The following CLIC6 variants were observed in gnomAD, a reference collection of about 807,000 sequenced individuals.
The protein encoded by CLIC6 is chloride intracellular channel protein 6.
In CLIC6, 39 loss-of-function variants were observed where a neutral mutation model predicts 49.2. The ratio of observed to expected loss-of-function variants is 0.79; its 90% CI spans 0.61 to 1.04. The LOEUF (loss-of-function observed/expected upper bound fraction) is 1.04, where lower values mean the gene tolerates loss of function less well. CLIC6 is among the 50% of genes least tolerant of loss of function. The probability of loss-of-function intolerance (pLI) is 0.00; values close to 1 mark genes in which losing one functional copy is unlikely to be tolerated. For synonymous variants in CLIC6, 446 were observed against 433.4 expected (o/e 1.03, Z -0.36); for missense variants, 988 against 993.1 (o/e 0.99, Z 0.07).
chr21:34,684,798 G>C (rs562110021), intron 1 of CLIC6, among the ~76,000 whole-genome samples: 7 of 152,202 alleles, frequency 4.6e-5, no homozygotes, highest in Non-Finnish European at 7.3e-5. Flanking sequence ...AAGCAAGGAG[G>C]ACCTGGAAAT....
At position 34,717,765 on chromosome 21, in the gene CLIC6, A is replaced by T. The variant is rs1300714115; in HGVS notation, c.*1283A>T. On this transcript the variant is annotated 3_prime_UTR_variant, in exon 6 of 6. Transcript: ENST00000349499. ...ATCTTACAGAAAACCCTCCTTGTAG[A>T]GTTGGTTGTGGTATGTGTTTGATGC... 1.3e-5 allele frequency: 2 copies of T among 152,144 alleles called. No homozygotes were observed. The highest frequency in any genetic ancestry group is 2.4e-5 in the African/African-American group (1 of 41,428). 9.4% of individuals were successfully genotyped at this position (152,144 alleles called of 1,614,324 possible). A position where few individuals can be genotyped will look rare whatever the true frequency, so the allele number is the denominator to read the frequency against.
chr21:34,710,242 C>G (rs1356075902), intron 5 of CLIC6, among the ~76,000 whole-genome samples: 3 of 152,138 alleles, frequency 2.0e-5, no homozygotes, highest in Non-Finnish European at 4.4e-5. Flanking sequence ...GGTGGCACTG[C>G]ACTCTGGCCT....
At chr21:34,680,136 T>G (rs748985987) in intron 1 of CLIC6, among the ~76,000 whole-genome samples, 1 of 152,264 alleles carries the variant, frequency 6.6e-6, no homozygotes, top group Non-Finnish European at 1.5e-5. Context: ...TCTTGGCATT[T>G]CCATATATCC....
At chr21:34,695,395 A>T (rs747666436) in intron 1 of CLIC6, among the ~76,000 whole-genome samples, 4 of 152,248 alleles carry the variant, frequency 2.6e-5, no homozygotes, top group Non-Finnish European at 4.4e-5. Context: ...TAACCTTGAT[A>T]TCATTTGCAA....
intron 1 of CLIC6, among the ~76,000 whole-genome samples, chr21:34,697,394 C>T (rs1268906866): frequency 6.6e-6 from 1 of 152,090 alleles, no homozygotes; most frequent in African/African-American, 2.4e-5. Context: ...AGACCTCAGC[C>T]CTGTTTATCT....
chr21:34,703,351 G>A (rs1393625087), intron 1 of CLIC6, among the ~76,000 whole-genome samples: 2 of 152,184 alleles, frequency 1.3e-5, no homozygotes, highest in Non-Finnish European at 2.9e-5. Flanking sequence ...AATCAAGAAG[G>A]TGGTAGGGGG....
chr21:34,682,590 G>T (rs1338189421), intron 1 of CLIC6, among the ~76,000 whole-genome samples: 1 of 152,040 alleles, frequency 6.6e-6, no homozygotes, highest in Non-Finnish European at 1.5e-5. Context: ...TTTTATAAGA[G>T]TGTGCTGACT....
intron 1 of CLIC6, among the ~76,000 whole-genome samples, chr21:34,701,637 T>A (rs1193977432): frequency 2.0e-5 from 3 of 152,062 alleles, no homozygotes; most frequent in Non-Finnish European, 4.4e-5. Context: ...AATTAGTAAG[T>A]AGGGGGCCAA....
intron 1 of CLIC6, among the ~76,000 whole-genome samples, chr21:34,704,829 G>C (rs1421592730): frequency 6.6e-6 from 1 of 152,196 alleles, no homozygotes; most frequent in East Asian, 1.9e-4. Flanking sequence ...ACTAACTTGA[G>C]TTTGAGACCA....
chr21:34,670,620 C>T lies in CLIC6; in HGVS notation c.1232C>T (p.Ala411Val). 2 of 1,548,632 alleles carry T rather than the reference C, an allele frequency of 1.3e-6. No individual in the cohort carries two copies. Among genetic ancestry groups the T allele is most frequent in the Non-Finnish European group, 1.7e-6 (2 of 1,148,164 alleles). ...TCCAGGGGCGCCGCGGAGCCTGAGG[C>T]CCAGCTCAGCAACCACCTGGCCGAG... ...EASRGAAEPE[A>V]QLSNHLAEEG... Residue 411 changes from alanine to valine, a missense_variant, in exon 1 of 6, where the codon GCC becomes GTC. This residue lies in a region of CLIC6 where 647 missense variants were observed against 596.9 expected (regional missense o/e 1.08). Coordinates refer to ENST00000349499, the MANE Select transcript of CLIC6 (RefSeq NM_053277.3).
At chr21:34,699,348 C>CTCAAGCAA (rs1990145104) in intron 1 of CLIC6, among the ~76,000 whole-genome samples, 1 of 151,470 alleles carries the variant, frequency 6.6e-6, no homozygotes, top group Non-Finnish European at 1.5e-5. Context: ...ACCTCCTGGG[C>CTCAAGCAA]TCAAGCAATT....
At chr21:34,687,915 G>A (rs968102131) in intron 1 of CLIC6, among the ~76,000 whole-genome samples, 14 of 152,130 alleles carry the variant, frequency 9.2e-5, no homozygotes, top group African/African-American at 3.4e-4. Flanking sequence ...TTTATGGCCT[G>A]GAATGAGGAA....
intron 5 of CLIC6, among the ~76,000 whole-genome samples, chr21:34,710,304 T>C (rs923031652): frequency 1.3e-5 from 2 of 152,030 alleles, no homozygotes; most frequent in Non-Finnish European, 2.9e-5. Context: ...ATTAATTATT[T>C]ATTTATTTTA....
chr21:34,703,459 G>T lies in CLIC6; in HGVS notation c.1375-3821G>T, dbSNP rs111515358. ...CCGTCAGGTCTGCGTCGGGATGCCA[G>T]GTGTTTGGTCCTTTGAAGGCAGTGG... On this transcript the variant is annotated intron_variant, in intron 1 of 5. Transcript: ENST00000349499. Among the ~76,000 whole-genome samples, 337 of 151,680 alleles carry T rather than the reference G, an allele frequency of 2.2e-3. 2 individuals are homozygous for T. Among genetic ancestry groups the T allele is most frequent in the African/African-American group, 7.7e-3 (317 of 41,012 alleles).
chr21:34,705,672 C>A (rs188063071), intron 1 of CLIC6, among the ~76,000 whole-genome samples: 50 of 152,210 alleles, frequency 3.3e-4, no homozygotes, highest in Non-Finnish European at 5.0e-4. Flanking sequence ...TCTATTGGTG[C>A]CCCTTCATAT....
intron 4 of CLIC6, among the ~76,000 whole-genome samples, chr21:34,709,063 A>G (rs1353135553): frequency 2.0e-5 from 3 of 152,212 alleles, no homozygotes; most frequent in Non-Finnish European, 4.4e-5. Flanking sequence ...ACACCATGGG[A>G]ATCATGTTCA....
rs956592646 is a variant in CLIC6 at position 34,670,303 on chromosome 21, G to C, written c.915G>C (p.Ser305=). 3 of 1,442,002 alleles carry C rather than the reference G, an allele frequency of 2.1e-6. No homozygotes were observed. The Admixed American group carries it at 8.5e-5, about 41-fold the overall frequency. 89.3% of individuals were successfully genotyped at this position (1,442,002 alleles called of 1,614,324 possible). The change falls in exon 1 of 6, where the codon TCG becomes TCC. Residue 305 remains serine (S), a synonymous_variant. Transcript: ENST00000349499. ...AGCAATCGGGGGACGGCAGCCTCTC[G>C]CCCCAGGCCGAGGCAATTGAGGTCG... is the stretch of plus-strand genomic sequence containing the variant. ...EPQQSGDGSL[S]PQAEAIEVAA...
chr21:34,693,324 T>C (rs1190382919), intron 1 of CLIC6, among the ~76,000 whole-genome samples: 2 of 152,150 alleles, frequency 1.3e-5, no homozygotes, highest in African/African-American at 4.8e-5. Flanking sequence ...AGTCCCCCAC[T>C]AGGGGCTAAA....
At position 34,669,745 on chromosome 21, in the gene CLIC6, C is replaced by T. The variant is rs1361259410; in HGVS notation, c.357C>T (p.Gly119=). 55 of 1,389,916 alleles carry T rather than the reference C, an allele frequency of 4.0e-5. No homozygotes were observed. The highest frequency in any genetic ancestry group is 5.3e-4 in the Middle Eastern group (2 of 3,760). 86.1% of individuals were successfully genotyped at this position (1,389,916 alleles called of 1,614,324 possible). A position where few individuals can be genotyped will look rare whatever the true frequency, so the allele number is the denominator to read the frequency against. The change falls in exon 1 of 6, where the codon GGC becomes GGT. Residue 119 remains glycine, a synonymous_variant. Coordinates refer to ENST00000349499, the MANE Select transcript of CLIC6 (RefSeq NM_053277.3). The part of the protein sequence containing the change: ...EGASPGRGAQ[G]EPRGEAQREP... ...CGAGCCCGGGACGCGGCGCGCAGGG[C>T]GAGCCCCGCGGGGAGGCTCAGAGGG...
Sources: gnomAD v4.1 joint callset for allele counts (sites outside exome capture counted in the v4.1 genomes callset) on GRCh38, gnomAD v4.1.1 for gene constraint, gnomAD v4.1.1 regional missense constraint, MANE v1.5 for transcripts, NCBI Gene and HGNC (gene_info 2026-07-23, HGNC 2026-07-21) for gene names.